Variants in HIVEP2 observed in about 807,000 individuals in gnomAD.
HIVEP2 encodes the protein HIVEP zinc finger 2, also known as transcription factor HIVEP2.
In HIVEP2, 14 loss-of-function variants were observed where a neutral mutation model predicts 180.7. That is an observed-to-expected ratio of 0.08 (90% CI 0.05 to 0.12). The LOEUF is 0.12. HIVEP2 is among the 10% of genes least tolerant of loss of function. The pLI, the probability that HIVEP2 is intolerant of heterozygous loss-of-function variation, is 1.00. For missense variants in HIVEP2, 2,579 were observed against 3,008.5 expected, an observed-to-expected ratio of 0.86 and a Z score of 3.34; for synonymous variants, 1,184 against 1,136.4, an observed-to-expected ratio of 1.04 and a Z score of -0.84.
intron 1 of HIVEP2, among the ~76,000 whole-genome samples, chr6:142,908,644 G>C (rs1238207119): frequency 1.3e-5 from 2 of 152,014 alleles, no homozygotes; most frequent in Non-Finnish European, 2.9e-5. Flanking sequence ...GATTTAGACT[G>C]GAATGGACTA....
rs201202080 is a variant in HIVEP2, at chr6:142,770,083, C to T, written c.4656G>A (p.Pro1552=). 628 of 1,614,210 alleles carry T rather than the reference C, an allele frequency of 3.9e-4. 1 individual carries two copies. In the African/African-American group the frequency reaches 5.5e-3, roughly 14 times the overall value. The change falls in exon 5 of 10, where the codon CCG becomes CCA. Residue 1552 remains proline, a synonymous_variant. Coordinates refer to ENST00000367603, the MANE Select transcript of HIVEP2 (RefSeq NM_006734.4). The surrounding 1 kb of genome is among the most constrained non-coding windows in gnomAD (Gnocchi z 4.7). ...CAGAAGGCCCACTGGACTTCTGCCC[C>T]GGAAGTGGTGCCCGGGAACCGGAAA... is the stretch of plus-strand genomic sequence containing the variant. The part of the protein sequence containing the change: ...EMLSGSRAPL[P]GQKSSGPSES...
At chr6:142,769,440 C>A in intron 5 of HIVEP2, 112 bp downstream of exon 5, 1 of 965,600 alleles carries the variant, frequency 1.0e-6, no homozygotes, top group Non-Finnish European at 1.5e-6. Flanking sequence ...CGCCCCCACA[C>A]TGACCTTCAT....
At position 142,773,575 on chromosome 6, in the gene HIVEP2, C is replaced by G. The variant is rs779838218; in HGVS notation, c.1164G>C (p.Leu388=). Residue 388 remains leucine (L), a synonymous_variant, in exon 5 of 10, where the codon CTG becomes CTC. Transcript: ENST00000367603. ...GQDSEPSLNL[L]SPHSKGSTDS... ...CAGTGCTTCCTTTACTGTGCGGGCT[C>G]AGAAGGTTGAGCGATGGCTCAGAAT... The G allele has an allele frequency of 6.2e-7, 1 of 1,614,080 alleles. No homozygotes were observed. The highest frequency in any genetic ancestry group is 1.3e-5 in the African/African-American group (1 of 74,920).
intron 2 of HIVEP2, among the ~76,000 whole-genome samples, chr6:142,833,169 A>G (rs1775136935): frequency 6.6e-6 from 1 of 152,158 alleles, no homozygotes; most frequent in Non-Finnish European, 1.5e-5. Flanking sequence ...CAAATTACTC[A>G]ACTAAAACCA....
Position 142,771,631 on chromosome 6 carries a change from A to C in HIVEP2, c.3108T>G (p.Pro1036=), listed in dbSNP as rs756135059. 3.5e-5 allele frequency: 56 copies of C among 1,614,080 alleles called. 1 individual carries two copies. The Admixed American group carries it at 9.2e-4, about 26-fold the overall frequency. The part of the protein sequence containing the change: ...EMRRCSSEQM[P]CPHPAEVPEV... Reference sequence around the variant, plus strand: ...CTGGGACTTCCGCTGGGTGAGGACAAGGCATCTGCTCTGATGAGCAGCGTC... The same window carrying C: ...CTGGGACTTCCGCTGGGTGAGGACACGGCATCTGCTCTGATGAGCAGCGTC... Residue 1036 remains proline (P), a synonymous_variant, in exon 5 of 10, where the codon CCT becomes CCG. Coordinates refer to ENST00000367603, the MANE Select transcript of HIVEP2 (RefSeq NM_006734.4). This position sits in a 1 kb window ranked among gnomAD's most constrained non-coding sequence, Gnocchi z 5.4.
At chr6:142,808,902 G>C (rs1776621803) in intron 2 of HIVEP2, among the ~76,000 whole-genome samples, 1 of 152,066 alleles carries the variant, frequency 6.6e-6, no homozygotes, top group South Asian at 2.1e-4. Flanking sequence ...GTACATATTT[G>C]TTCCTATTTT....
chr6:142,859,731 G>A (rs1775920010), intron 1 of HIVEP2, among the ~76,000 whole-genome samples: 1 of 150,292 alleles, frequency 6.7e-6, no homozygotes, highest in African/African-American at 2.5e-5. Context: ...CTACTTGGGA[G>A]GCTGAGGCAA....
intron 1 of HIVEP2, among the ~76,000 whole-genome samples, chr6:142,936,900 G>A (rs1778072645): frequency 6.6e-6 from 1 of 151,888 alleles, no homozygotes; most frequent in Admixed American, 6.5e-5. Context: ...TCCCAGAGCA[G>A]GTGCTTAATA....
chr6:142,911,286 AAGTTTGGGGC>A (rs1239531898), intron 1 of HIVEP2, among the ~76,000 whole-genome samples: 1 of 152,226 alleles, frequency 6.6e-6, no homozygotes, highest in Non-Finnish European at 1.5e-5. Flanking sequence ...ATTCTAAAAC[AAGTTTGGGGC>A]AGAATTTAAA....
At chr6:142,781,141 G>T (rs1378628234) in intron 3 of HIVEP2, among the ~76,000 whole-genome samples, 1 of 152,008 alleles carries the variant, frequency 6.6e-6, no homozygotes, top group East Asian at 1.9e-4. Context: ...ATAGTAATAT[G>T]GTTAATTATA....
At chr6:142,862,000 G>A in intron 1 of HIVEP2, among the ~76,000 whole-genome samples, 1 of 152,154 alleles carries the variant, frequency 6.6e-6, no homozygotes. Flanking sequence ...AGTGGCACTT[G>A]AAGTTTTATA....
Position 142,768,404 on chromosome 6 carries a change from G to T in HIVEP2, c.5320C>A (p.Arg1774=). ...TACCCTCCTTCAAATATTTTAATTC[G>T]GATTGGCTCAGTTTGTTTGGATCCA... is the stretch of plus-strand genomic sequence containing the variant. ...DIGSKQTEPI[R]IKIFEGGYKS... The change falls in exon 6 of 10, where the codon CGA becomes AGA. Residue 1774 remains arginine (R), a synonymous_variant. Coordinates refer to ENST00000367603, the MANE Select transcript of HIVEP2 (RefSeq NM_006734.4). 1 of 1,610,086 alleles carries T rather than the reference G, an allele frequency of 6.2e-7. No homozygotes were observed. Among genetic ancestry groups the T allele is most frequent in the Non-Finnish European group, 8.5e-7 (1 of 1,178,574 alleles).
chr6:142,939,163 T>C (rs1778117881), intron 1 of HIVEP2, among the ~76,000 whole-genome samples: 1 of 152,190 alleles, frequency 6.6e-6, no homozygotes, highest in African/African-American at 2.4e-5. Flanking sequence ...CATACACATT[T>C]GGCAATGTTT....
At chr6:142,831,004 G>T (rs1775064559) in intron 2 of HIVEP2, among the ~76,000 whole-genome samples, 1 of 152,184 alleles carries the variant, frequency 6.6e-6, no homozygotes. Flanking sequence ...ACCACACAAA[G>T]TAGGCAGGAG....
At chr6:142,907,902 C>G (rs1387766968) in intron 1 of HIVEP2, among the ~76,000 whole-genome samples, 1 of 152,188 alleles carries the variant, frequency 6.6e-6, no homozygotes, top group African/African-American at 2.4e-5. Context: ...CCATGTATTT[C>G]TAACTAATCT....
In HIVEP2 at chr6:142,868,980, A is replaced by C. The variant is rs1332367416; in HGVS notation, c.-640-31933T>G. 2.0e-5 allele frequency among the ~76,000 whole-genome samples: 3 copies of C among 152,312 alleles called. No individual in the cohort carries two copies. The East Asian group carries it at 5.8e-4, about 29-fold the overall frequency. On this transcript the variant is annotated intron_variant, in intron 1 of 9. Transcript: ENST00000367603. ...AGATTTAGGTTAGGTAGAAGATTTAAATATAATGTTGAAAATCCTAGATCA... is the reference window on the plus strand; with the variant it reads ...AGATTTAGGTTAGGTAGAAGATTTACATATAATGTTGAAAATCCTAGATCA...
chr6:142,831,870 C>T (rs1033671414), intron 2 of HIVEP2, among the ~76,000 whole-genome samples: 8 of 152,082 alleles, frequency 5.3e-5, no homozygotes, highest in Non-Finnish European at 1.2e-4. Flanking sequence ...GTCCAGGTAT[C>T]GATTTTCAGT....
At chr6:142,817,489 G>A (rs1776874048) in intron 2 of HIVEP2, among the ~76,000 whole-genome samples, 2 of 152,154 alleles carry the variant, frequency 1.3e-5, no homozygotes, top group Non-Finnish European at 2.9e-5. Flanking sequence ...TAATAAGCAG[G>A]AAATGCCCAT....
At chr6:142,907,801 A>G (rs930679869) in intron 1 of HIVEP2, among the ~76,000 whole-genome samples, 1 of 152,206 alleles carries the variant, frequency 6.6e-6, no homozygotes, top group Non-Finnish European at 1.5e-5. Flanking sequence ...CATCGGTATG[A>G]TGTATACTCC....
Sources: gnomAD v4.1 joint callset for allele counts (sites outside exome capture counted in the v4.1 genomes callset) on GRCh38, gnomAD v4.1.1 for gene constraint, Gnocchi (gnomAD v3.1) non-coding constraint, MANE v1.5 for transcripts, NCBI Gene and HGNC (gene_info 2026-07-23, HGNC 2026-07-21) for gene names.